Variants in SKAP1 observed in about 807,000 individuals in gnomAD.
SKAP1 encodes the protein src kinase-associated phosphoprotein 1.
In SKAP1, 44 loss-of-function variants were observed where a neutral mutation model predicts 58.5. The ratio of observed to expected loss-of-function variants is 0.75; its 90% CI spans 0.59 to 0.97. The LOEUF (loss-of-function observed/expected upper bound fraction) is 0.97. Ranked by LOEUF, SKAP1 falls within the 50% of genes least tolerant of loss-of-function variation. The pLI is 0.00. For missense variants in SKAP1, 390 were observed against 435.2 expected (o/e 0.90, Z 0.92); for synonymous variants, 127 against 149.7 (o/e 0.85, Z 1.11).
intron 4 of SKAP1, among the ~76,000 whole-genome samples, chr17:48,344,741 T>C (rs1294695360): frequency 6.6e-6 from 1 of 152,206 alleles, no homozygotes; most frequent in Non-Finnish European, 1.5e-5. Flanking sequence ...CTAATTGTGC[T>C]ATTATACAAA....
Position 48,430,188 on chromosome 17 carries a change from G to C in SKAP1, c.-68C>G. The C allele has an allele frequency of 8.5e-7, 1 of 1,172,636 alleles. No individual in the cohort carries two copies. Among genetic ancestry groups the C allele is most frequent in the Non-Finnish European group, 1.1e-6 (1 of 937,696 alleles). The allele number at this position is 1,172,636 out of a possible 1,614,324, so 72.6% of individuals were successfully genotyped here. A position where few individuals can be genotyped will look rare whatever the true frequency, so the allele number is the denominator to read the frequency against. ...TCGGGAGGCGGACGGGCTGGAAGGCGACCCGGCTGCACCGCGAGGCACCTG... is the reference window on the plus strand; with the variant it reads ...TCGGGAGGCGGACGGGCTGGAAGGCCACCCGGCTGCACCGCGAGGCACCTG... On this transcript the variant is annotated 5_prime_UTR_variant, in exon 1 of 13. Coordinates refer to ENST00000336915, the MANE Select transcript of SKAP1 (RefSeq NM_003726.4).
At chr17:48,157,719 G>C (rs1474987900) in intron 11 of SKAP1, among the ~76,000 whole-genome samples, 1 of 150,170 alleles carries the variant, frequency 6.7e-6, no homozygotes, top group Non-Finnish European at 1.5e-5. Context: ...AGTGGAGACT[G>C]GGTTTCACCA....
chr17:48,346,083 C>G, intron 3 of SKAP1, 77 bp from the exon 4 acceptor site: 1 of 798,502 alleles, frequency 1.3e-6, no homozygotes, highest in Non-Finnish European at 2.0e-6. Flanking sequence ...ATAAAAGGAT[C>G]TATGTATGAT....
At chr17:48,241,672 T>C (rs2065245450) in intron 4 of SKAP1, among the ~76,000 whole-genome samples, 1 of 152,144 alleles carries the variant, frequency 6.6e-6, no homozygotes, top group African/African-American at 2.4e-5. Context: ...CTTAAAACTT[T>C]CACCAGCCAA....
intron 11 of SKAP1, among the ~76,000 whole-genome samples, chr17:48,146,180 C>A (rs922850381): frequency 6.6e-6 from 1 of 152,070 alleles, no homozygotes. Context: ...CACACACAGG[C>A]CCCTGCTTTT....
At chr17:48,440,382 TAGA>T in the SKAP1 span, among the ~76,000 whole-genome samples, 3 of 152,294 alleles carry the variant, frequency 2.0e-5, no homozygotes, top group Admixed American at 1.3e-4. Flanking sequence ...CTGCAGGATG[TAGA>T]AGGTCACTGA....
chr17:48,213,985 C>T (rs1281230117), intron 4 of SKAP1, among the ~76,000 whole-genome samples: 1 of 152,188 alleles, frequency 6.6e-6, no homozygotes, highest in African/African-American at 2.4e-5. Flanking sequence ...ATTGATTCTA[C>T]ATCTTAATTA....
At chr17:48,250,553 T>TC (rs2065352774) in intron 4 of SKAP1, among the ~76,000 whole-genome samples, 1 of 152,050 alleles carries the variant, frequency 6.6e-6, no homozygotes, top group Admixed American at 6.6e-5. Context: ...AGTGCTGGGA[T>TC]TATAGGCGTC....
intron 1 of SKAP1, among the ~76,000 whole-genome samples, chr17:48,424,749 A>G (rs1254262954): frequency 2.0e-5 from 3 of 149,738 alleles, no homozygotes; most frequent in Non-Finnish European, 4.5e-5. Flanking sequence ...TCTGGCCAAC[A>G]TGCTGAAACC....
intron 2 of SKAP1, among the ~76,000 whole-genome samples, chr17:48,390,803 G>A (rs2067334994): frequency 6.6e-6 from 1 of 152,090 alleles, no homozygotes; most frequent in Non-Finnish European, 1.5e-5. Flanking sequence ...TCCTAGGTGC[G>A]GTGGCTCACG....
At chr17:48,357,038 C>T (rs2066884208) in intron 3 of SKAP1, among the ~76,000 whole-genome samples, 1 of 152,106 alleles carries the variant, frequency 6.6e-6, no homozygotes. Flanking sequence ...CTCTATATAG[C>T]ATTCCATTAA....
chr17:48,200,865 GT>G (rs1446197387), intron 4 of SKAP1, among the ~76,000 whole-genome samples: 1 of 152,134 alleles, frequency 6.6e-6, no homozygotes, highest in African/African-American at 2.4e-5. Context: ...TTGTATACTT[GT>G]TTCTCTTTTT....
At chr17:48,185,685 A>G (rs2064440670) in intron 6 of SKAP1, among the ~76,000 whole-genome samples, 1 of 152,182 alleles carries the variant, frequency 6.6e-6, no homozygotes, top group African/African-American at 2.4e-5. Context: ...GATGATAATG[A>G]TGACAAGGAT....
intron 2 of SKAP1, among the ~76,000 whole-genome samples, chr17:48,367,735 T>G (rs113236222): frequency 0.015 from 2,204 of 151,570 alleles, 38 homozygotes; most frequent in African/African-American, 0.047. Context: ...TTGGGAAACA[T>G]GGCGAAACTT....
At chr17:48,267,850 G>A (rs572427190) in intron 4 of SKAP1, among the ~76,000 whole-genome samples, 2 of 152,286 alleles carry the variant, frequency 1.3e-5, no homozygotes, top group East Asian at 1.9e-4. Flanking sequence ...GATAAATGGA[G>A]GGAAGGGAGA....
At chr17:48,205,681 T>C (rs1183994159) in intron 4 of SKAP1, among the ~76,000 whole-genome samples, 2 of 152,034 alleles carry the variant, frequency 1.3e-5, no homozygotes, top group Non-Finnish European at 2.9e-5. Flanking sequence ...AAACAAGTCA[T>C]ACAAAGCATT....
At chr17:48,218,365 C>T (rs903685569) in intron 4 of SKAP1, among the ~76,000 whole-genome samples, 5 of 152,198 alleles carry the variant, frequency 3.3e-5, no homozygotes, top group Admixed American at 2.0e-4. Context: ...ATTTTACAAC[C>T]TCTCTTTGCC....
At chr17:48,389,271 G>A (rs949227788) in intron 2 of SKAP1, among the ~76,000 whole-genome samples, 3 of 152,160 alleles carry the variant, frequency 2.0e-5, no homozygotes, top group African/African-American at 7.2e-5. Context: ...CACAGGGATA[G>A]CACCTCTTTT....
chr17:48,432,643 A>G (rs747161557), upstream of SKAP1, among the ~76,000 whole-genome samples: 2 of 151,496 alleles, frequency 1.3e-5, no homozygotes, highest in Non-Finnish European at 2.9e-5. Context: ...TATCATCTCA[A>G]TTTTTTTTTG....
Sources: allele counts gnomAD v4.1 joint callset (sites outside exome capture counted in the v4.1 genomes callset), GRCh38; gene constraint gnomAD v4.1.1; transcripts MANE v1.5; gene names NCBI Gene and HGNC (gene_info 2026-07-23, HGNC 2026-07-21).